Variants in SMAD9 observed in about 807,000 individuals in gnomAD.
SMAD9 encodes SMAD family member 9, also known as MAD homolog 9.
A neutral mutation model predicts 46.1 loss-of-function variants in SMAD9; 36 were observed. The observed-to-expected ratio is 0.78, with a 90% CI of 0.60 to 1.03. SMAD9 has a LOEUF of 1.03. Among genes scored for constraint, SMAD9 ranks in the 50% least tolerant of loss-of-function variants. The pLI is 0.00. For synonymous variants in SMAD9, 245 were observed against 237.1 expected (o/e 1.03, Z -0.31); for missense variants, 572 against 599.8 (o/e 0.95, Z 0.48).
chr13:36,845,388 C>T lies in SMAD9; in HGVS notation c.*3288G>A, dbSNP rs1239356714. On this transcript the variant is annotated 3_prime_UTR_variant, in exon 7 of 7. Transcript: ENST00000379826. ...CATCTTTATAGTTCCAAAGCACTCG[C>T]AGCTATTAAAATATCATCTAGCTAA... 6.6e-6 allele frequency: 1 copy of T among 152,160 alleles called. No individual in the cohort carries two copies. The highest frequency in any genetic ancestry group is 1.5e-5 in the Non-Finnish European group (1 of 68,030). 9.4% of individuals were successfully genotyped at this position (152,160 alleles called of 1,614,324 possible). A position where few individuals can be genotyped will look rare whatever the true frequency, so the allele number is the denominator to read the frequency against.
intron 1 of SMAD9, among the ~76,000 whole-genome samples, chr13:36,883,217 C>T (rs982264120): frequency 5.9e-5 from 9 of 152,156 alleles, no homozygotes; most frequent in Non-Finnish European, 7.4e-5. Flanking sequence ...CTGATAACTC[C>T]ACGGCCCAGG....
At chr13:36,885,871 A>C (rs1256623723) in intron 1 of SMAD9, among the ~76,000 whole-genome samples, 1 of 152,162 alleles carries the variant, frequency 6.6e-6, no homozygotes. Flanking sequence ...AACAACACTG[A>C]ATTAGAAAAA....
At chr13:36,868,267 T>C (rs1315539128) in intron 3 of SMAD9, among the ~76,000 whole-genome samples, 2 of 152,260 alleles carry the variant, frequency 1.3e-5, no homozygotes, top group African/African-American at 2.4e-5. Flanking sequence ...TGTAGCCATG[T>C]ACATTTTAAC....
chr13:36,913,520 C>T (rs910577855), intron 1 of SMAD9, among the ~76,000 whole-genome samples: 1 of 152,154 alleles, frequency 6.6e-6, no homozygotes, highest in Admixed American at 6.5e-5. Flanking sequence ...ATCAATACAA[C>T]TTTAAAAAAA....
At chr13:36,905,774 C>CAAAAAAAAAAAAAAAA (rs60358673) in intron 1 of SMAD9, among the ~76,000 whole-genome samples, 3 of 66,452 alleles carry the variant, frequency 4.5e-5, no homozygotes, top group African/African-American at 1.2e-4. Flanking sequence ...GACCCTGTCT[C>CAAAAAAAAAAAAAAAA]AAAAAAAAAA....
intron 1 of SMAD9, among the ~76,000 whole-genome samples, chr13:36,883,235 T>C (rs949412245): frequency 6.6e-6 from 1 of 151,850 alleles, no homozygotes; most frequent in Non-Finnish European, 1.5e-5. Context: ...AGGTTCACCA[T>C]AACAAAACAG....
chr13:36,891,775 G>A (rs2058490746), intron 1 of SMAD9, among the ~76,000 whole-genome samples: 1 of 152,176 alleles, frequency 6.6e-6, no homozygotes, highest in Non-Finnish European at 1.5e-5. Flanking sequence ...TGGTGTAACT[G>A]AGGAAATGAC....
In SMAD9 at chr13:36,860,236, CAAG is replaced by C. The variant is rs755888970; in HGVS notation, c.1003+5298_1003+5300del. ...TGTCAAGATAATTCCTTTCATAAAA[CAAG>C]AAGAATTACTAGAATTATACAGAAC... On this transcript the variant is annotated intron_variant, in intron 5 of 6. Transcript: ENST00000379826. Among the ~76,000 whole-genome samples, 122 of 151,890 alleles carry C rather than the reference CAAG, an allele frequency of 8.0e-4. 1 individual carries two copies. The highest frequency in any genetic ancestry group is 1.2e-3 in the Non-Finnish European group (81 of 67,946).
chr13:36,864,271 T>A (rs1229956799), intron 5 of SMAD9, among the ~76,000 whole-genome samples: 2 of 152,220 alleles, frequency 1.3e-5, no homozygotes, highest in East Asian at 3.8e-4. Flanking sequence ...TCCCTCCTTG[T>A]CAGGAAACCT....
At chr13:36,913,714 T>C (rs905023633) in intron 1 of SMAD9, among the ~76,000 whole-genome samples, 4 of 152,190 alleles carry the variant, frequency 2.6e-5, no homozygotes, top group African/African-American at 9.7e-5. Context: ...TGTCCATAAA[T>C]GTTTGTCTTT....
intron 1 of SMAD9, among the ~76,000 whole-genome samples, chr13:36,881,851 A>G (rs903509047): frequency 6.6e-6 from 1 of 152,242 alleles, no homozygotes; most frequent in Non-Finnish European, 1.5e-5. Context: ...ATGATAGAAT[A>G]ACCTGAACCC....
rs1485551964 is a variant in SMAD9, at chr13:36,856,206, G to A, written c.1004-2531C>T. ...GACCTGCCTTGTGAGGGTGGGCGGA[G>A]GTTTTTTCAAGAGGGAAAGCAGGTG... is the stretch of plus-strand genomic sequence containing the variant. On this transcript the variant is annotated intron_variant, in intron 5 of 6. Transcript: ENST00000379826. 1.9e-4 allele frequency among the ~76,000 whole-genome samples: 29 copies of A among 152,304 alleles called. No individual in the cohort carries two copies. The East Asian group carries it at 3.3e-3, about 17-fold the overall frequency.
chr13:36,854,904 T>C (rs1174496687), intron 5 of SMAD9, among the ~76,000 whole-genome samples: 1 of 152,212 alleles, frequency 6.6e-6, no homozygotes, highest in Non-Finnish European at 1.5e-5. Context: ...GTGAAATTTC[T>C]ACATTTTCAG....
intron 1 of SMAD9, among the ~76,000 whole-genome samples, chr13:36,897,525 T>C (rs532097298): frequency 1.3e-5 from 2 of 152,338 alleles, no homozygotes; most frequent in East Asian, 3.9e-4. Context: ...CTACAATATA[T>C]TCATGACTGT....
Position 36,879,678 on chromosome 13 carries a change from G to A in SMAD9, c.12C>T (p.Thr4=), listed in dbSNP as rs78237438. 1.3e-3 allele frequency: 2,158 copies of A among 1,614,132 alleles called. 19 individuals are homozygous for A. The African/African-American group carries it at 0.023, about 17-fold the overall frequency. ...AGGAGAAGAGGGAGCTGATGGGGGTGGTGGAGTGCATAAGAGGCCACAGCA... is the reference window on the plus strand; with the variant it reads ...AGGAGAAGAGGGAGCTGATGGGGGTAGTGGAGTGCATAAGAGGCCACAGCA... The part of the protein sequence containing the change: MHS[T]TPISSLFSFT... The change falls in exon 2 of 7, where the codon ACC becomes ACT. Residue 4 remains threonine (T), a synonymous_variant. Transcript: ENST00000379826.
At position 36,879,429 on chromosome 13, in the gene SMAD9, C is replaced by T. The variant is rs2058380362; in HGVS notation, c.261G>A (p.Leu87=). Residue 87 remains leucine, a synonymous_variant, in exon 2 of 7, where the codon CTG becomes CTA. Transcript: ENST00000379826. ...GRLQVSHRKG[L]PHVIYCRVWR... is the part of the protein sequence containing the mutation. ...ACACGCGACAGTAAATCACATGGGGCAGGCCCTTGCGGTGGGACACCTGCA... is the reference window on the plus strand; with the variant it reads ...ACACGCGACAGTAAATCACATGGGGTAGGCCCTTGCGGTGGGACACCTGCA... 1 of 1,613,756 alleles carries T rather than the reference C, an allele frequency of 6.2e-7. No individual in the cohort carries two copies. The highest frequency in any genetic ancestry group is 2.2e-5 in the East Asian group (1 of 44,888).
intron 1 of SMAD9, among the ~76,000 whole-genome samples, chr13:36,883,906 C>A (rs2058424224): frequency 6.6e-6 from 1 of 152,162 alleles, no homozygotes; most frequent in African/African-American, 2.4e-5. Context: ...GTCATGCTGT[C>A]TCTCTGGACT....
chr13:36,905,452 C>A (rs1303476620), intron 1 of SMAD9, among the ~76,000 whole-genome samples: 1 of 151,886 alleles, frequency 6.6e-6, no homozygotes, highest in African/African-American at 2.4e-5. Context: ...GAACTGGAGC[C>A]GTTTTAAAAA....
intron 1 of SMAD9, among the ~76,000 whole-genome samples, chr13:36,892,848 G>A (rs998294203): frequency 1.3e-5 from 2 of 152,124 alleles, no homozygotes; most frequent in Non-Finnish European, 2.9e-5. Flanking sequence ...ATCTCAAACA[G>A]AATGAAGGAC....
Sources: gnomAD v4.1 joint callset for allele counts (sites outside exome capture counted in the v4.1 genomes callset) on GRCh38, gnomAD v4.1.1 for gene constraint, MANE v1.5 for transcripts, NCBI Gene and HGNC (gene_info 2026-07-23, HGNC 2026-07-21) for gene names.